MECOM: variants seen among roughly 807,000 people sequenced by gnomAD.
MECOM encodes MDS1 and EVI1 complex locus.
MECOM carries 13 observed loss-of-function variants against 116.3 expected under a neutral mutation model. The observed-to-expected ratio is 0.11, with a 90% CI of 0.07 to 0.18. MECOM has a LOEUF of 0.18. Among genes scored for constraint, MECOM ranks in the 10% least tolerant of loss-of-function variants. The pLI is 1.00. For synonymous variants in MECOM, 528 were observed against 535.2 expected (o/e 0.99, Z 0.19); for missense variants, 1,299 against 1,509.0 (o/e 0.86, Z 2.31).
intron 2 of MECOM, among the ~76,000 whole-genome samples, chr3:169,306,457 G>A (rs918141346): frequency 2.6e-5 from 4 of 152,256 alleles, no homozygotes; most frequent in Middle Eastern, 6.8e-3. Flanking sequence ...CAAGGTTTAC[G>A]GATCACCTGA....
intron 2 of MECOM, among the ~76,000 whole-genome samples, chr3:169,235,104 A>T (rs1185221149): frequency 1.3e-5 from 2 of 152,228 alleles, no homozygotes; most frequent in African/African-American, 4.8e-5. Flanking sequence ...GCTATGATTT[A>T]AAAGTCCAAT....
intron 2 of MECOM, among the ~76,000 whole-genome samples, chr3:169,285,616 C>T (rs75456819): frequency 0.024 from 3,727 of 152,234 alleles, 104 homozygotes; most frequent in East Asian, 0.13. Flanking sequence ...AGGTGAAAGA[C>T]GCCAAGGAAA....
intron 1 of MECOM, among the ~76,000 whole-genome samples, chr3:169,471,068 AC>A (rs1749148915): frequency 1.3e-5 from 2 of 150,852 alleles, no homozygotes; most frequent in African/African-American, 4.9e-5. Context: ...CTTCCCCAAT[AC>A]CCCCATCCCC....
At chr3:169,430,629 A>C (rs1198406842) in intron 1 of MECOM, among the ~76,000 whole-genome samples, 1 of 152,194 alleles carries the variant, frequency 6.6e-6, no homozygotes, top group Non-Finnish European at 1.5e-5. Flanking sequence ...ATCTGTGTCC[A>C]CAAGTCTATT....
intron 2 of MECOM, among the ~76,000 whole-genome samples, chr3:169,228,032 C>T (rs1032813101): frequency 6.6e-6 from 1 of 152,160 alleles, no homozygotes; most frequent in Non-Finnish European, 1.5e-5. Context: ...GCCAGAGAAC[C>T]TAGTAGCTAG....
chr3:169,220,584 C>T (rs940097582), intron 2 of MECOM, among the ~76,000 whole-genome samples: 1 of 152,114 alleles, frequency 6.6e-6, no homozygotes, highest in African/African-American at 2.4e-5. Flanking sequence ...TAGCGATTCT[C>T]CTGCCCCAGC....
intron 1 of MECOM, among the ~76,000 whole-genome samples, chr3:169,521,392 C>T (rs1757335660): frequency 6.6e-6 from 1 of 152,012 alleles, no homozygotes; most frequent in South Asian, 2.1e-4. Context: ...ATCTCTTATC[C>T]AAGAGGAAAG....
intron 1 of MECOM, among the ~76,000 whole-genome samples, chr3:169,398,873 G>A (rs1735417773): frequency 6.6e-6 from 1 of 152,112 alleles, no homozygotes; most frequent in Admixed American, 6.5e-5. Context: ...GGCTACTTCA[G>A]GTATGGAAGG....
chr3:169,117,809 C>G (rs758390878), intron 7 of MECOM, among the ~76,000 whole-genome samples: 1 of 152,176 alleles, frequency 6.6e-6, no homozygotes, highest in Non-Finnish European at 1.5e-5. Context: ...AACTCCTTTA[C>G]CAGGTAAGAA....
chr3:169,360,590 A>G (rs1367820001), intron 2 of MECOM, among the ~76,000 whole-genome samples: 3 of 151,804 alleles, frequency 2.0e-5, no homozygotes, highest in Admixed American at 1.3e-4. Flanking sequence ...AAATACTTCC[A>G]TACACTTTAT....
At chr3:169,524,423 A>C (rs1208964170) in intron 1 of MECOM, among the ~76,000 whole-genome samples, 2 of 152,200 alleles carry the variant, frequency 1.3e-5, no homozygotes, top group Non-Finnish European at 2.9e-5. Flanking sequence ...GAGATTGGCT[A>C]GAAAGGGCTG....
chr3:169,107,820 G>A, intron 10 of MECOM, 106 bp downstream of exon 10: 2 of 881,126 alleles, frequency 2.3e-6, no homozygotes, highest in East Asian at 2.6e-5. Flanking sequence ...ATCACGTAAT[G>A]GAAAGGGGTT....
At position 169,116,539 on chromosome 3, in the gene MECOM, G is replaced by C. The variant is rs1448128203; in HGVS notation, c.1333C>G (p.Leu445Val). ...TTATCCATAGCTGGGGTTCCAGGAA[G>C]TGAAATGCCTTGGCCAAAAAATCCA... ...AGGFFGQGISLPGTPAMDKTS... is the reference protein window; with the variant it reads ...AGGFFGQGISVPGTPAMDKTS... Residue 445 changes from leucine to valine, a missense_variant, in exon 8 of 17, where the codon CTT becomes GTT. Around this residue, in one of 6 missense-constraint regions of MECOM, gnomAD observed 238 missense variants for 273.1 expected, o/e 0.87. Coordinates refer to ENST00000651503, the MANE Select transcript of MECOM (RefSeq NM_004991.4). 6.2e-7 allele frequency: 1 copy of C among 1,614,070 alleles called. No individual in the cohort carries two copies. The highest frequency in any genetic ancestry group is 8.5e-7 in the Non-Finnish European group (1 of 1,180,034).
chr3:169,400,277 C>T (rs1052738125), intron 1 of MECOM, among the ~76,000 whole-genome samples: 3 of 152,024 alleles, frequency 2.0e-5, no homozygotes, highest in African/African-American at 7.3e-5. Flanking sequence ...TTTCAGGAGT[C>T]CAAAAGAATA....
At chr3:169,549,934 A>C (rs1761178488) in intron 1 of MECOM, among the ~76,000 whole-genome samples, 1 of 152,186 alleles carries the variant, frequency 6.6e-6, no homozygotes, top group East Asian at 1.9e-4. Flanking sequence ...ACAGCAGTCT[A>C]TTAGAAAGCA....
chr3:169,249,683 T>C (rs1756014639), intron 2 of MECOM, among the ~76,000 whole-genome samples: 1 of 152,156 alleles, frequency 6.6e-6, no homozygotes, highest in African/African-American at 2.4e-5. Context: ...GCAATAACAT[T>C]TTGGGCACAA....
rs542064993 is a variant in MECOM, at chr3:169,625,080, G to A, written c.37+38256C>T. Among the ~76,000 whole-genome samples the A allele has an allele frequency of 9.5e-4, 145 of 151,850 alleles. 2 individuals are homozygous for A. Among genetic ancestry groups the A allele is most frequent in the African/African-American group, 3.3e-3 (138 of 41,412 alleles). ...GAAGAAGGAAAAAGAAAAGAAAACT[G>A]GCTTTAGGAAGCAGTATTGTGGTTT... On this transcript the variant is annotated intron_variant, in intron 1 of 16. Coordinates refer to ENST00000651503, the MANE Select transcript of MECOM (RefSeq NM_004991.4).
chr3:169,641,389 T>G (rs1473960103), intron 1 of MECOM, among the ~76,000 whole-genome samples: 1 of 152,214 alleles, frequency 6.6e-6, no homozygotes, highest in African/African-American at 2.4e-5. Flanking sequence ...TTAACCCCAC[T>G]GAGCCAACTC....
At chr3:169,520,861 C>T (rs556840544) in intron 1 of MECOM, among the ~76,000 whole-genome samples, 23 of 152,294 alleles carry the variant, frequency 1.5e-4, no homozygotes, top group African/African-American at 5.5e-4. Flanking sequence ...TAAAGTCCAG[C>T]TCTGCACCCA....
Sources: allele counts gnomAD v4.1 joint callset (sites outside exome capture counted in the v4.1 genomes callset), GRCh38; gene constraint gnomAD v4.1.1; regional missense constraint gnomAD v4.1.1; transcripts MANE v1.5; gene names NCBI Gene and HGNC (gene_info 2026-07-23, HGNC 2026-07-21).